PIKFYVE: variants seen among roughly 807,000 people sequenced by gnomAD.
PIKFYVE encodes phosphoinositide kinase, FYVE-type zinc finger containing.
In PIKFYVE, 122 loss-of-function variants were observed where a neutral mutation model predicts 257.9. The ratio of observed to expected loss-of-function variants is 0.47; its 90% CI spans 0.41 to 0.55. PIKFYVE has a LOEUF of 0.55. Among genes scored for constraint, PIKFYVE ranks in the 20% least tolerant of loss-of-function variants. The pLI is 0.00. For synonymous variants in PIKFYVE, 892 were observed against 868.9 expected (o/e 1.03, Z -0.47); for missense variants, 2,160 against 2,536.6 (o/e 0.85, Z 3.19).
intron 31 of PIKFYVE, among the ~76,000 whole-genome samples, chr2:208,340,758 G>T (rs1389018588): frequency 1.3e-5 from 2 of 151,966 alleles, no homozygotes; most frequent in Non-Finnish European, 2.9e-5. Flanking sequence ...CTTTTATTTA[G>T]TGCCTGTTTA....
chr2:208,326,143 C>G lies in PIKFYVE; in HGVS notation c.3332C>G (p.Ser1111Cys), dbSNP rs1696896920. ...RRKKQLLRDL[S>C]GLQGMNGSIQ... ...AAGAAACAGCTGCTCAGGGATCTCT[C>G]TGGACTTCAGGGCATGAATGGAAGT... The change falls in exon 20 of 42, where the codon TCT (serine) becomes TGT (cysteine). Residue 1111 changes from serine (S) to cysteine (C), a missense_variant. By Grantham distance (112) the Ser-to-Cys change is moderately radical. Transcript: ENST00000264380. 1 of 1,613,980 alleles carries G rather than the reference C, an allele frequency of 6.2e-7. No individual in the cohort carries two copies. The highest frequency in any genetic ancestry group is 8.5e-7 in the Non-Finnish European group (1 of 1,180,032).
intron 24 of PIKFYVE, 110 bp from the exon 25 acceptor site, chr2:208,335,196 A>G: frequency 1.3e-6 from 1 of 764,578 alleles, no homozygotes; most frequent in Non-Finnish European, 2.3e-6. Flanking sequence ...GATTTTATAG[A>G]AACTTTTCCT....
chr2:208,348,599 A>AGTGTGTGTGTGTGTGTGTGT (rs35997291), intron 35 of PIKFYVE, among the ~76,000 whole-genome samples: 62 of 128,996 alleles, frequency 4.8e-4, no homozygotes, highest in South Asian at 1.1e-3. Flanking sequence ...AAAAAAAAAA[A>AGTGTGTGTGTGTGTGTGTGT]GTGTGTGTGT....
chr2:208,305,943 C>T (rs1694266420), intron 12 of PIKFYVE, among the ~76,000 whole-genome samples: 1 of 152,234 alleles, frequency 6.6e-6, no homozygotes, highest in East Asian at 1.9e-4. Flanking sequence ...GAATTGTCTC[C>T]TTACTTAGAT....
Position 208,314,366 on chromosome 2 carries a change from AC to A in PIKFYVE, c.1770del (p.Asn590LysfsTer6). The part of the protein sequence containing the change: ...LPFTPLGWHH[N>X]NLELLREENG... Reference sequence around the variant, plus strand: ...TTCACACCTTTGGGCTGGCATCATAACAACCTGGAGCTCCTGAGGGAGGAGA... The same window carrying A: ...TTCACACCTTTGGGCTGGCATCATAAAACCTGGAGCTCCTGAGGGAGGAGA... On this transcript the variant is annotated frameshift_variant, in exon 14 of 42. Transcript: ENST00000264380. LOFTEE classifies it high-confidence loss of function. The A allele has an allele frequency of 6.2e-7, 1 of 1,614,052 alleles. No individual in the cohort carries two copies. The highest frequency in any genetic ancestry group is 8.5e-7 in the Non-Finnish European group (1 of 1,179,948).
rs1429251160 is a variant in PIKFYVE, at chr2:208,298,240, A to G, written c.912-401A>G. 2.6e-5 allele frequency among the ~76,000 whole-genome samples: 4 copies of G among 152,108 alleles called. No homozygotes were observed. The South Asian group carries it at 6.2e-4, about 24-fold the overall frequency. On this transcript the variant is annotated intron_variant, in intron 7 of 41. Coordinates refer to ENST00000264380, the MANE Select transcript of PIKFYVE (RefSeq NM_015040.4). ...TTCTGCATTTAATTTCATTCTTTAT[A>G]TTTGTTATTAAAAAAAAAATCCACT...
chr2:208,323,421 C>T (rs565370924), intron 17 of PIKFYVE, among the ~76,000 whole-genome samples: 4 of 151,676 alleles, frequency 2.6e-5, no homozygotes, highest in African/African-American at 9.7e-5. Flanking sequence ...TCATCCACGT[C>T]CCTACAAAGG....
intron 16 of PIKFYVE, among the ~76,000 whole-genome samples, chr2:208,318,527 T>G (rs959927168): frequency 6.6e-6 from 1 of 152,242 alleles, no homozygotes; most frequent in Non-Finnish European, 1.5e-5. Context: ...TGAAATCTTT[T>G]GATTCTCAGT....
rs763361913 is a variant in PIKFYVE, at chr2:208,325,897, AG to A, written c.3088del (p.Glu1030LysfsTer20). ...GATGACACTGGATTATATGTTACTG[AG>A]GAAGTCACCTCCTCTGAAGATAAAC... ...LQDDTGLYVTEEVTSSEDKRK... is the reference protein window; with the variant it reads ...LQDDTGLYVTXEVTSSEDKRK... On this transcript the variant is annotated frameshift_variant, in exon 20 of 42. Transcript: ENST00000264380. LOFTEE classifies it high-confidence loss of function. 2 of 1,614,136 alleles carry A rather than the reference AG, an allele frequency of 1.2e-6. No individual in the cohort carries two copies. Among genetic ancestry groups the A allele is most frequent in the African/African-American group, 2.7e-5 (2 of 75,052 alleles).
intron 5 of PIKFYVE, among the ~76,000 whole-genome samples, chr2:208,279,641 T>C (rs1174257384): frequency 1.3e-5 from 2 of 152,230 alleles, no homozygotes; most frequent in Non-Finnish European, 2.9e-5. Context: ...TCCAGTGCCA[T>C]TTATTGAATA....
intron 7 of PIKFYVE, among the ~76,000 whole-genome samples, chr2:208,293,877 C>T (rs1030172478): frequency 1.3e-5 from 2 of 152,026 alleles, no homozygotes; most frequent in African/African-American, 4.8e-5. Context: ...TTTGAATACA[C>T]TTAGTTTTGC....
At chr2:208,285,079 T>C (rs1691376082) in intron 5 of PIKFYVE, among the ~76,000 whole-genome samples, 1 of 152,026 alleles carries the variant, frequency 6.6e-6, no homozygotes, top group Non-Finnish European at 1.5e-5. Context: ...TTGTTTTGTT[T>C]TGTTTTGTTT....
At chr2:208,330,465 A>G (rs1449037919) in intron 22 of PIKFYVE, 58 bp from the exon 23 acceptor site, 1 of 1,599,340 alleles carries the variant, frequency 6.3e-7, no homozygotes. Context: ...GCACTTTGAC[A>G]GTGGTTCTGA....
intron 20 of PIKFYVE, 92 bp downstream of exon 20, chr2:208,326,521 G>T: frequency 7.4e-7 from 1 of 1,342,632 alleles, no homozygotes; most frequent in African/African-American, 1.4e-5. Flanking sequence ...TTGGCAGACT[G>T]CATGCAGATT....
chr2:208,345,082 A>G (rs1468040358), intron 32 of PIKFYVE, 29 bp from the exon 33 acceptor site: 1 of 1,430,142 alleles, frequency 7.0e-7, no homozygotes, highest in Admixed American at 1.7e-5. Flanking sequence ...GTTAATGTTT[A>G]ACGTTTTTCA....
At chr2:208,273,397 G>A (rs4673386) in intron 2 of PIKFYVE, among the ~76,000 whole-genome samples, 187 bp from the exon 3 acceptor site, 146,050 of 152,212 alleles carry the variant, frequency 0.96, 70,224 homozygotes, top group East Asian at 1. Flanking sequence ...CAGGAGTTCA[G>A]TACCAGCCTG....
At chr2:208,297,398 C>T (rs921178292) in intron 7 of PIKFYVE, among the ~76,000 whole-genome samples, 3 of 152,112 alleles carry the variant, frequency 2.0e-5, no homozygotes, top group East Asian at 1.9e-4. Context: ...AATTGCTTAT[C>T]GGCTATTTGA....
At chr2:208,300,841 G>T in intron 8 of PIKFYVE, 96 bp from the exon 9 acceptor site, 1 of 1,492,918 alleles carries the variant, frequency 6.7e-7, no homozygotes, top group Non-Finnish European at 9.2e-7. Flanking sequence ...TCCAAGTTAG[G>T]TTTCCTTTTA....
chr2:208,276,204 A>G (rs1221876876), intron 3 of PIKFYVE, among the ~76,000 whole-genome samples: 1 of 152,220 alleles, frequency 6.6e-6, no homozygotes, highest in African/African-American at 2.4e-5. Context: ...AGGCTGGGCT[A>G]TTAAACTTCT....
Sources: gnomAD v4.1 joint callset for allele counts (sites outside exome capture counted in the v4.1 genomes callset) on GRCh38, gnomAD v4.1.1 for gene constraint, MANE v1.5 for transcripts, NCBI Gene and HGNC (gene_info 2026-07-23, HGNC 2026-07-21) for gene names.